CDS2: variants seen among roughly 807,000 people sequenced by gnomAD.
CDS2 encodes CDP-diacylglycerol synthase 2.
In CDS2, 47 loss-of-function variants were observed where a neutral mutation model predicts 59.0. That is an observed-to-expected ratio of 0.80 (90% confidence interval 0.63 to 1.02). The LOEUF (loss-of-function observed/expected upper bound fraction) is 1.02. Ranked by LOEUF, CDS2 falls within the 50% of genes least tolerant of loss-of-function variation. The probability of loss-of-function intolerance (pLI) is 0.00; values close to 1 mark genes in which losing one functional copy is unlikely to be tolerated. For synonymous variants in CDS2, 207 were observed against 206.4 expected (o/e 1.00, Z -0.02); for missense variants, 356 against 558.9 (o/e 0.64, Z 3.66).
chr20:5,162,278 T>C (rs970544366), intron 1 of CDS2, among the ~76,000 whole-genome samples: 4 of 152,332 alleles, frequency 2.6e-5, no homozygotes, highest in Middle Eastern at 3.4e-3. Flanking sequence ...TTGGAGCATT[T>C]TGAATTTAGG....
In CDS2 at chr20:5,151,750, CTTTTTTTTT is replaced by C. The variant is rs57378947; in HGVS notation, c.58-21750_58-21742del. Among the ~76,000 whole-genome samples, 30 of 53,196 alleles carry C rather than the reference CTTTTTTTTT, an allele frequency of 5.6e-4. No individual in the cohort carries two copies. The South Asian group carries it at 6.1e-3, about 11-fold the overall frequency. 34.9% of individuals were successfully genotyped at this position (53,196 alleles called of 152,430 possible). On this transcript the variant is annotated intron_variant, in intron 1 of 12. Transcript: ENST00000460006. The stretch of plus-strand genomic sequence containing the variant: ...ACCATGCCTGGCCTAGACTCCATGT[CTTTTTTTTT>C]TTTTTTTTTTTTTTTTTTTTTTGAG...
chr20:5,188,820 A>G (rs6053187), intron 10 of CDS2, among the ~76,000 whole-genome samples: 5,085 of 152,250 alleles, frequency 0.033, 133 homozygotes, highest in East Asian at 0.081. Flanking sequence ...CAGGGGCTTC[A>G]TCACTTCATA....
chr20:5,152,334 C>G (rs550189554), intron 1 of CDS2, among the ~76,000 whole-genome samples: 1 of 152,036 alleles, frequency 6.6e-6, no homozygotes, highest in Non-Finnish European at 1.5e-5. Flanking sequence ...AGATTGCAGC[C>G]TTTTAATTGC....
chr20:5,177,358 A>T (rs1040075582), intron 4 of CDS2, among the ~76,000 whole-genome samples: 1 of 151,984 alleles, frequency 6.6e-6, no homozygotes, highest in Non-Finnish European at 1.5e-5. Context: ...TTTGAGCCCT[A>T]CTTCATCAGA....
chr20:5,141,457 G>GA (rs2090693072), intron 1 of CDS2, among the ~76,000 whole-genome samples: 1 of 152,150 alleles, frequency 6.6e-6, no homozygotes. Context: ...TGCTGGGGGG[G>GA]TGGTGCACCC....
intron 6 of CDS2, 141 bp from the exon 7 acceptor site, chr20:5,182,920 G>C: frequency 1.5e-6 from 1 of 677,588 alleles, no homozygotes; most frequent in Non-Finnish European, 2.6e-6. Context: ...GATCTTACCT[G>C]TTCACTTTCA....
At chr20:5,189,296 A>T in intron 11 of CDS2, 110 bp downstream of exon 11, 1 of 1,244,806 alleles carries the variant, frequency 8.0e-7, no homozygotes. Flanking sequence ...CTGGCATTTA[A>T]TGTGTGATCT....
rs2091146259 is a variant in CDS2, at chr20:5,195,029, G to A, written c.*4795G>A. On this transcript the variant is annotated 3_prime_UTR_variant, in exon 13 of 13. Transcript: ENST00000460006. ...GAGAGCAGTGGTTAAGACAGACTTT[G>A]GGATCAAATCACCCTAGGTGCGGGC... is the stretch of plus-strand genomic sequence containing the variant. 1 of 152,190 alleles carries A rather than the reference G, an allele frequency of 6.6e-6. No homozygotes were observed. Among genetic ancestry groups the A allele is most frequent in the Non-Finnish European group, 1.5e-5 (1 of 68,040 alleles). The allele number at this position is 152,190 out of a possible 1,614,324, so 9.4% of individuals were successfully genotyped here.
chr20:5,137,606 C>T (rs957916547), intron 1 of CDS2, among the ~76,000 whole-genome samples: 2 of 151,770 alleles, frequency 1.3e-5, no homozygotes, highest in East Asian at 2.0e-4. Context: ...CTAGAAGAGA[C>T]GTAAGCATGT....
chr20:5,154,590 G>A (rs564446656), intron 1 of CDS2, among the ~76,000 whole-genome samples: 2 of 152,350 alleles, frequency 1.3e-5, no homozygotes, highest in African/African-American at 4.8e-5. Flanking sequence ...GCCAGTGTCT[G>A]AAGGAGCATT....
chr20:5,139,781 A>C (rs2090678540), intron 1 of CDS2, among the ~76,000 whole-genome samples: 1 of 149,818 alleles, frequency 6.7e-6, no homozygotes, highest in Admixed American at 6.7e-5. Context: ...TGAATTTTAC[A>C]AGTGCTTTTT....
In CDS2 at chr20:5,192,727, T is replaced by C. The variant is rs1469539891; in HGVS notation, c.*2493T>C. On this transcript the variant is annotated 3_prime_UTR_variant, in exon 13 of 13. Transcript: ENST00000460006. ...CCATGCATGGTTTTATGCTTCTCAT[T>C]TGTTTATGTATTCATGAATACTGCA... 1.3e-5 allele frequency: 2 copies of C among 152,164 alleles called. No homozygotes were observed. Among genetic ancestry groups the C allele is most frequent in the South Asian group, 2.1e-4 (1 of 4,816 alleles). 9.4% of individuals were successfully genotyped at this position (152,164 alleles called of 1,614,324 possible). A position where few individuals can be genotyped will look rare whatever the true frequency, so the allele number is the denominator to read the frequency against.
chr20:5,132,983 T>C (rs1249614344), intron 1 of CDS2, among the ~76,000 whole-genome samples: 1 of 149,676 alleles, frequency 6.7e-6, no homozygotes, highest in Non-Finnish European at 1.5e-5. Flanking sequence ...CCATCCTGGC[T>C]AAGACGGCAA....
chr20:5,196,322 T>C lies in CDS2; in HGVS notation c.*6088T>C, dbSNP rs755141635. On this transcript the variant is annotated 3_prime_UTR_variant, in exon 13 of 13. Coordinates refer to ENST00000460006, the MANE Select transcript of CDS2 (RefSeq NM_003818.4). The stretch of plus-strand genomic sequence containing the variant: ...CTTCCTCCCTCATTGTGTTGTTGAA[T>C]AGACCTAGGCAGCCTTGTATCCATA... 6.6e-6 allele frequency: 1 copy of C among 152,140 alleles called. No individual in the cohort carries two copies. The allele number at this position is 152,140 out of a possible 1,614,324, so 9.4% of individuals were successfully genotyped here.
chr20:5,190,399 A>G lies in CDS2; in HGVS notation c.*165A>G. On this transcript the variant is annotated 3_prime_UTR_variant, in exon 13 of 13. Coordinates refer to ENST00000460006, the MANE Select transcript of CDS2 (RefSeq NM_003818.4). ...TTGTGGGTTCAAAAAATCTGTATAT[A>G]CAGTCTATGTGTTTAGAATTTGTGT... The G allele has an allele frequency of 3.3e-6, 2 of 614,844 alleles. No individual in the cohort carries two copies. Among genetic ancestry groups the G allele is most frequent in the Non-Finnish European group, 5.5e-6 (2 of 361,958 alleles). The allele number at this position is 614,844 out of a possible 1,614,324, so 38.1% of individuals were successfully genotyped here. A position where few individuals can be genotyped will look rare whatever the true frequency, so the allele number is the denominator to read the frequency against.
At chr20:5,161,366 C>A (rs1435842151) in intron 1 of CDS2, among the ~76,000 whole-genome samples, 1 of 152,218 alleles carries the variant, frequency 6.6e-6, no homozygotes, top group African/African-American at 2.4e-5. Flanking sequence ...CCACACACAG[C>A]TGTGGCTCTC....
intron 1 of CDS2, among the ~76,000 whole-genome samples, chr20:5,147,472 A>G (rs925665767): frequency 6.6e-6 from 1 of 152,216 alleles, no homozygotes; most frequent in African/African-American, 2.4e-5. Flanking sequence ...CAGGCCTTGC[A>G]GGTCCTTTGG....
intron 1 of CDS2, among the ~76,000 whole-genome samples, chr20:5,147,504 G>A (rs2090753221): frequency 6.6e-6 from 1 of 152,142 alleles, no homozygotes; most frequent in Non-Finnish European, 1.5e-5. Context: ...TAAACGTGTG[G>A]TAAATAGAGG....
chr20:5,142,538 T>C (rs1006178014), intron 1 of CDS2, among the ~76,000 whole-genome samples: 6 of 152,210 alleles, frequency 3.9e-5, no homozygotes, highest in South Asian at 2.1e-4. Context: ...ATTGAAGTTA[T>C]TGGGTAAATT....
Sources: gnomAD v4.1 joint callset for allele counts (sites outside exome capture counted in the v4.1 genomes callset) on GRCh38, gnomAD v4.1.1 for gene constraint, MANE v1.5 for transcripts, NCBI Gene and HGNC (gene_info 2026-07-23, HGNC 2026-07-21) for gene names.